MAPKAPK5: variants seen among roughly 807,000 people sequenced by gnomAD.
MAPKAPK5 encodes MAPK activated protein kinase 5.
A neutral mutation model predicts 65.1 loss-of-function variants in MAPKAPK5; 30 were observed. The ratio of observed to expected loss-of-function variants is 0.46; its 90% confidence interval spans 0.34 to 0.63. The LOEUF (loss-of-function observed/expected upper bound fraction) is 0.63. Among genes scored for constraint, MAPKAPK5 ranks in the 20% least tolerant of loss-of-function variants. The pLI is 0.01. For synonymous variants in MAPKAPK5, 179 were observed against 204.6 expected, an observed-to-expected ratio of 0.87 and a Z score of 1.07; for missense variants, 433 against 581.4, an observed-to-expected ratio of 0.74 and a Z score of 2.63.
chr12:111,866,236 G>A lies in MAPKAPK5; in HGVS notation c.186+5G>A, dbSNP rs1419701499. 68 of 1,607,366 alleles carry A rather than the reference G, an allele frequency of 4.2e-5. No homozygotes were observed. Among genetic ancestry groups the A allele is most frequent in the Non-Finnish European group, 5.5e-5 (65 of 1,176,958 alleles). ...CGTCCAAAAGCTAGAAATGAGGTATGCTTTATTGCCTCGACTTAATTAAAT... is the reference window on the plus strand; with the variant it reads ...CGTCCAAAAGCTAGAAATGAGGTATACTTTATTGCCTCGACTTAATTAAAT... On this transcript the variant is annotated splice_donor_5th_base_variant and intron_variant, in intron 3 of 13. Coordinates refer to ENST00000550735, the MANE Select transcript of MAPKAPK5 (RefSeq NM_003668.4).
chr12:111,848,909 G>T (rs572798138), intron 1 of MAPKAPK5, among the ~76,000 whole-genome samples: 19 of 150,960 alleles, frequency 1.3e-4, no homozygotes, highest in South Asian at 8.4e-4. Flanking sequence ...TTTTGTATTT[G>T]TATTTTTATT....
At chr12:111,888,813 A>G in intron 11 of MAPKAPK5, 72 bp from the exon 12 acceptor site, 1 of 1,567,636 alleles carries the variant, frequency 6.4e-7, no homozygotes, top group East Asian at 2.3e-5. Flanking sequence ...CCTTATGTTT[A>G]GAGGTAATAT....
chr12:111,843,898 C>G (rs748564746), intron 1 of MAPKAPK5, among the ~76,000 whole-genome samples: 29 of 152,112 alleles, frequency 1.9e-4, no homozygotes, highest in Admixed American at 5.9e-4. Context: ...CTGCAAGTTC[C>G]GCCTCCTGGG....
intron 8 of MAPKAPK5, among the ~76,000 whole-genome samples, chr12:111,882,177 G>A (rs1311558469): frequency 6.6e-6 from 1 of 152,110 alleles, no homozygotes; most frequent in African/African-American, 2.4e-5. Flanking sequence ...TCAGGAGATC[G>A]AGACCATCCT....
chr12:111,878,502 C>T (rs2070077158), intron 7 of MAPKAPK5, among the ~76,000 whole-genome samples: 1 of 152,048 alleles, frequency 6.6e-6, no homozygotes, highest in South Asian at 2.1e-4. Context: ...TCACTGCAAC[C>T]TCCGCCTCCA....
chr12:111,885,787 C>A, intron 9 of MAPKAPK5, 129 bp from the exon 10 acceptor site: 1 of 1,158,434 alleles, frequency 8.6e-7, no homozygotes, highest in Non-Finnish European at 1.2e-6. Flanking sequence ...CATCTGTGCT[C>A]TGCAGGTGGA....
chr12:111,891,819 A>AT (rs1555275571), intron 13 of MAPKAPK5, among the ~76,000 whole-genome samples: 3 of 150,950 alleles, frequency 2.0e-5, no homozygotes, highest in African/African-American at 7.3e-5. Context: ...AAAAAAAAAA[A>AT]GGGAAAAAAA....
chr12:111,878,395 G>C (rs2070069402), intron 7 of MAPKAPK5, among the ~76,000 whole-genome samples: 1 of 150,964 alleles, frequency 6.6e-6, no homozygotes, highest in Non-Finnish European at 1.5e-5. Context: ...ACCATTTGTT[G>C]TTCTATTTAT....
chr12:111,886,663 G>A (rs527637875), intron 10 of MAPKAPK5, among the ~76,000 whole-genome samples: 45 of 152,246 alleles, frequency 3.0e-4, no homozygotes, highest in Non-Finnish European at 5.0e-4. Flanking sequence ...AAAATAATTT[G>A]GCCTCACTAA....
intron 1 of MAPKAPK5, among the ~76,000 whole-genome samples, chr12:111,845,174 G>T (rs565792557): frequency 6.6e-6 from 1 of 152,176 alleles, no homozygotes; most frequent in South Asian, 2.1e-4. Flanking sequence ...ACCCAGGCTG[G>T]AGTGCAGTGG....
chr12:111,866,679 G>A (rs1288026804), intron 3 of MAPKAPK5, among the ~76,000 whole-genome samples: 2 of 152,012 alleles, frequency 1.3e-5, no homozygotes, highest in Non-Finnish European at 2.9e-5. Flanking sequence ...GCGCAATCTC[G>A]GCTTACGGCA....
intron 10 of MAPKAPK5, 34 bp downstream of exon 10, chr12:111,886,070 G>A: frequency 6.2e-7 from 1 of 1,613,868 alleles, no homozygotes; most frequent in South Asian, 1.1e-5. Context: ...TGGCTGAAAA[G>A]ACTGTGTTGG....
intron 1 of MAPKAPK5, among the ~76,000 whole-genome samples, chr12:111,857,076 A>G (rs2069264954): frequency 6.6e-6 from 1 of 152,102 alleles, no homozygotes; most frequent in South Asian, 2.1e-4. Flanking sequence ...GCTCCAAGGT[A>G]GCTCTATTTC....
At chr12:111,882,394 A>G (rs1051311653) in intron 8 of MAPKAPK5, among the ~76,000 whole-genome samples, 10 of 152,074 alleles carry the variant, frequency 6.6e-5, no homozygotes, top group Non-Finnish European at 1.5e-4. Context: ...AAGAAAATAC[A>G]GGCGAGAGTA....
rs548145486 is a variant in MAPKAPK5 at position 111,867,413 on chromosome 12, A to G, written c.187-159A>G. Among the ~76,000 whole-genome samples, 15 of 152,360 alleles carry G rather than the reference A, an allele frequency of 9.8e-5. No individual in the cohort carries two copies. In the South Asian group the frequency reaches 2.7e-3, roughly 27 times the overall value. ...TGTTGGTGAGTTTTTATTCATGGAA[A>G]AAGCATTAAGGAGATAATCTTTGAA... On this transcript the variant is annotated intron_variant, in intron 3 of 13. Transcript: ENST00000550735.
chr12:111,891,139 G>A (rs2136159315), intron 13 of MAPKAPK5, among the ~76,000 whole-genome samples: 1 of 152,010 alleles, frequency 6.6e-6, no homozygotes, highest in South Asian at 2.1e-4. Context: ...TGTTGCCCAG[G>A]CTGGAATGGA....
At chr12:111,861,020 G>T (rs539072244) in intron 1 of MAPKAPK5, among the ~76,000 whole-genome samples, 1 of 151,760 alleles carries the variant, frequency 6.6e-6, no homozygotes, top group South Asian at 2.1e-4. Context: ...TTAGCTGGGT[G>T]CAGTGGTGGG....
intron 1 of MAPKAPK5, among the ~76,000 whole-genome samples, chr12:111,853,232 C>T (rs1008546401): frequency 4.6e-5 from 7 of 151,766 alleles, no homozygotes; most frequent in East Asian, 1.9e-4. Flanking sequence ...ACTAGCCAGG[C>T]GTGGTGGCAA....
At chr12:111,889,687 A>G (rs575718935) in intron 12 of MAPKAPK5, 191 of 214,078 alleles carry the variant, frequency 8.9e-4, no homozygotes, top group Middle Eastern at 2.0e-3. Flanking sequence ...TTCTAAAGTA[A>G]GAAATGAGCT....
Sources: gnomAD v4.1 joint callset for allele counts (sites outside exome capture counted in the v4.1 genomes callset) on GRCh38, gnomAD v4.1.1 for gene constraint, MANE v1.5 for transcripts, NCBI Gene and HGNC (gene_info 2026-07-23, HGNC 2026-07-21) for gene names.